The following EAF1 variants were observed in gnomAD, a reference collection of about 807,000 sequenced individuals.
EAF1 encodes the protein ELL-associated factor 1.
A neutral mutation model predicts 26.6 loss-of-function variants in EAF1; 19 were observed. That is an observed-to-expected ratio of 0.71 (90% confidence interval 0.50 to 1.05). The LOEUF (loss-of-function observed/expected upper bound fraction) is 1.05. EAF1 is among the 50% of genes least tolerant of loss of function. The pLI is 0.00. For missense variants in EAF1, 260 were observed against 335.5 expected (o/e 0.78, Z 1.76); for synonymous variants, 102 against 120.6 (o/e 0.85, Z 1.01).
At chr3:15,435,817 A>G (rs2061831191) in intron 4 of EAF1, among the ~76,000 whole-genome samples, 1 of 152,202 alleles carries the variant, frequency 6.6e-6, no homozygotes, top group African/African-American at 2.4e-5. Flanking sequence ...TGAGAGCTGG[A>G]AAGGACCTTA....
At chr3:15,434,822 C>T (rs2061825241) in intron 4 of EAF1, among the ~76,000 whole-genome samples, 1 of 152,220 alleles carries the variant, frequency 6.6e-6, no homozygotes. Context: ...TCCATCTAAG[C>T]TCCATATGGC....
chr3:15,430,572 G>T (rs1166747142), intron 2 of EAF1, among the ~76,000 whole-genome samples: 7 of 151,862 alleles, frequency 4.6e-5, no homozygotes, highest in Admixed American at 4.6e-4. Context: ...TTTAGATATA[G>T]CTTTTCTCCC....
intron 1 of EAF1, 51 bp downstream of exon 1, chr3:15,427,933 T>C (rs986291128): frequency 1.4e-5 from 20 of 1,418,084 alleles, no homozygotes; most frequent in Non-Finnish European, 1.8e-5. Context: ...CCGCCACATA[T>C]CAACCTTGAC....
At position 15,439,523 on chromosome 3, in the gene EAF1, G is replaced by A. The variant is rs183600198; in HGVS notation, c.*368G>A. On this transcript the variant is annotated 3_prime_UTR_variant, in exon 6 of 6. Coordinates refer to ENST00000396842, the MANE Select transcript of EAF1 (RefSeq NM_033083.7). ...TTTAAACCTCAGCAGCCATCAGTTT[G>A]GCCAAGTGGTTGGTACCAGTGGAAT... 1 of 180,250 alleles carries A rather than the reference G, an allele frequency of 5.5e-6. No individual in the cohort carries two copies. The highest frequency in any genetic ancestry group is 6.1e-5 in the Admixed American group (1 of 16,304). The allele number at this position is 180,250 out of a possible 1,614,324, so 11.2% of individuals were successfully genotyped here. A position where few individuals can be genotyped will look rare whatever the true frequency, so the allele number is the denominator to read the frequency against.
intron 3 of EAF1, 121 bp from the exon 4 acceptor site, chr3:15,434,226 AT>A (rs965847912): frequency 6.9e-5 from 75 of 1,092,002 alleles, no homozygotes; most frequent in Non-Finnish European, 1.2e-5. Context: ...AAGTATCAGT[AT>A]TTTGAAGTGG....
intron 1 of EAF1, among the ~76,000 whole-genome samples, chr3:15,428,344 C>T (rs2061771076): frequency 6.6e-6 from 1 of 152,158 alleles, no homozygotes; most frequent in African/African-American, 2.4e-5. Context: ...AGAACCCATT[C>T]TCTTCCCTGC....
intron 5 of EAF1, chr3:15,438,827 AT>A (rs2061850166): frequency 3.7e-6 from 1 of 273,644 alleles, no homozygotes; most frequent in Non-Finnish European, 6.9e-6. Flanking sequence ...GCCCAGACAT[AT>A]TTTAAATATT....
intron 3 of EAF1, chr3:15,433,233 TAAAAAAAAAAAAA>T (rs11328510): frequency 1.1e-5 from 1 of 94,134 alleles, no homozygotes; most frequent in East Asian, 3.1e-4. Flanking sequence ...TGCTATTATC[TAAAAAAAAAAAAA>T]AAAAAAAAAA....
At chr3:15,436,957 G>A (rs1216370044) in intron 5 of EAF1, among the ~76,000 whole-genome samples, 1 of 151,556 alleles carries the variant, frequency 6.6e-6, no homozygotes, top group African/African-American at 2.4e-5. Context: ...GTGCAATGGT[G>A]CAATCTCGGC....
At chr3:15,436,195 A>G (rs1559505882) in intron 4 of EAF1, 147 bp from the exon 5 acceptor site, 1 of 533,238 alleles carries the variant, frequency 1.9e-6, no homozygotes, top group Middle Eastern at 5.2e-4. Flanking sequence ...TTTTGTTTGT[A>G]CATTTTTTAA....
chr3:15,432,440 A>G (rs1272393819), intron 3 of EAF1, among the ~76,000 whole-genome samples: 1 of 152,252 alleles, frequency 6.6e-6, no homozygotes, highest in African/African-American at 2.4e-5. Flanking sequence ...GACCTAAAAC[A>G]TGGGAACCAT....
chr3:15,435,010 T>C lies in EAF1; in HGVS notation c.526+472T>C, dbSNP rs113685298. On this transcript the variant is annotated intron_variant, in intron 4 of 5. Coordinates refer to ENST00000396842, the MANE Select transcript of EAF1 (RefSeq NM_033083.7). ...GGAGGATCGCTTGAAGTTGGGAGTTTGAGGCTACAGTGTGCTATGATCGTG... is the reference window on the plus strand; with the variant it reads ...GGAGGATCGCTTGAAGTTGGGAGTTCGAGGCTACAGTGTGCTATGATCGTG... 6.3e-3 allele frequency among the ~76,000 whole-genome samples: 961 copies of C among 152,292 alleles called. 8 individuals are homozygous for C. Among genetic ancestry groups the C allele is most frequent in the African/African-American group, 0.022 (902 of 41,558 alleles).
At chr3:15,429,211 G>C (rs2061784025) in intron 1 of EAF1, among the ~76,000 whole-genome samples, 1 of 152,114 alleles carries the variant, frequency 6.6e-6, no homozygotes, top group Non-Finnish European at 1.5e-5. Flanking sequence ...TGTTAAAGCT[G>C]TGGAACTGGC....
Position 15,442,604 on chromosome 3 carries a change from C to T in EAF1, c.*3449C>T, listed in dbSNP as rs544990477. Reference sequence around the variant, plus strand: ...ACTATATTTAAATAAAAGTGAAGGTCAGCAACACATTTCTTGTCTTGGTGG... The same window carrying T: ...ACTATATTTAAATAAAAGTGAAGGTTAGCAACACATTTCTTGTCTTGGTGG... On this transcript the variant is annotated 3_prime_UTR_variant, in exon 6 of 6. Transcript: ENST00000396842. The T allele has an allele frequency of 1.3e-5, 2 of 152,328 alleles. No individual in the cohort carries two copies. Among genetic ancestry groups the T allele is most frequent in the Non-Finnish European group, 2.9e-5 (2 of 67,976 alleles). The allele number at this position is 152,328 out of a possible 1,614,324, so 9.4% of individuals were successfully genotyped here.
chr3:15,430,589 C>G (rs1242774302), intron 2 of EAF1, among the ~76,000 whole-genome samples: 1 of 151,980 alleles, frequency 6.6e-6, no homozygotes, highest in Admixed American at 6.5e-5. Flanking sequence ...TCCCAAGCAA[C>G]TCCAGACAGA....
intron 1 of EAF1, among the ~76,000 whole-genome samples, 200 bp from the exon 2 acceptor site, chr3:15,429,713 G>GTA (rs2061791425): frequency 6.6e-6 from 1 of 152,154 alleles, no homozygotes; most frequent in Non-Finnish European, 1.5e-5. Context: ...CTGGATAATG[G>GTA]TATACCAGGT....
At chr3:15,436,737 G>C (rs1385475054) in intron 5 of EAF1, 162 bp downstream of exon 5, 6 of 518,188 alleles carry the variant, frequency 1.2e-5, no homozygotes, top group Non-Finnish European at 2.0e-5. Context: ...CAGTAAAAAA[G>C]GGAAATGAGA....
chr3:15,436,189 G>A (rs1338937243), intron 4 of EAF1, 153 bp from the exon 5 acceptor site: 2 of 510,808 alleles, frequency 3.9e-6, no homozygotes, highest in Non-Finnish European at 6.7e-6. Context: ...TGGTAATTTT[G>A]TTTGTACATT....
rs999329653 is a variant in EAF1 at position 15,430,969 on chromosome 3, T to A, written c.198+962T>A. ...AAAAATTGCCCATTCAAACTGCTGT[T>A]TGATTACTTGTTACCTTTGGCAAGT... On this transcript the variant is annotated intron_variant, in intron 2 of 5. Coordinates refer to ENST00000396842, the MANE Select transcript of EAF1 (RefSeq NM_033083.7). 9.2e-5 allele frequency among the ~76,000 whole-genome samples: 14 copies of A among 152,340 alleles called. No homozygotes were observed. The East Asian group carries it at 2.5e-3, about 27-fold the overall frequency.
Sources: allele counts gnomAD v4.1 joint callset (sites outside exome capture counted in the v4.1 genomes callset), GRCh38; gene constraint gnomAD v4.1.1; transcripts MANE v1.5; gene names NCBI Gene and HGNC (gene_info 2026-07-23, HGNC 2026-07-21).